Variants in MACROD2 observed in about 807,000 individuals in gnomAD.
MACROD2 encodes the protein mono-ADP ribosylhydrolase 2.
MACROD2 carries 36 observed loss-of-function variants against 70.4 expected under a neutral mutation model. That is an observed-to-expected ratio of 0.51 (90% CI 0.39 to 0.68). MACROD2 has a LOEUF of 0.68. MACROD2 is among the 30% of genes least tolerant of loss of function. The probability of loss-of-function intolerance (pLI) is 0.00; values close to 1 mark genes in which losing one functional copy is unlikely to be tolerated. For synonymous variants in MACROD2, 172 were observed against 178.8 expected (o/e 0.96, Z 0.30); for missense variants, 496 against 538.4 (o/e 0.92, Z 0.78).
intron 5 of MACROD2, among the ~76,000 whole-genome samples, chr20:14,986,161 GGTT>G (rs2074846977): frequency 6.6e-6 from 1 of 152,168 alleles, no homozygotes; most frequent in African/African-American, 2.4e-5. Flanking sequence ...CAGTCTGAAT[GGTT>G]GTTCTCTCCT....
chr20:15,444,024 A>G (rs781537210), intron 7 of MACROD2, among the ~76,000 whole-genome samples: 3 of 152,148 alleles, frequency 2.0e-5, no homozygotes, highest in Non-Finnish European at 2.9e-5. Flanking sequence ...AACCATCATA[A>G]TCTATGTTCA....
chr20:15,340,927 A>C (rs1219197178), intron 6 of MACROD2, among the ~76,000 whole-genome samples: 1 of 152,126 alleles, frequency 6.6e-6, no homozygotes, highest in African/African-American at 2.4e-5. Flanking sequence ...GGGCTCAAGC[A>C]ATCCTCCTGC....
intron 5 of MACROD2, among the ~76,000 whole-genome samples, chr20:15,229,575 G>A (rs963113271): frequency 6.6e-6 from 1 of 152,012 alleles, no homozygotes; most frequent in Non-Finnish European, 1.5e-5. Context: ...CCTTTTGCAG[G>A]CAATTACTCC....
At chr20:15,127,595 T>C (rs2076076205) in intron 5 of MACROD2, among the ~76,000 whole-genome samples, 1 of 152,062 alleles carries the variant, frequency 6.6e-6, no homozygotes, top group South Asian at 2.1e-4. Context: ...TGTGGTTGTT[T>C]ATAGGAGGCT....
intron 4 of MACROD2, among the ~76,000 whole-genome samples, chr20:14,646,419 C>T (rs1054789119): frequency 7.9e-5 from 12 of 151,960 alleles, no homozygotes; most frequent in Non-Finnish European, 1.3e-4. Flanking sequence ...CAAATTTCAC[C>T]AAATCTTTCA....
chr20:15,578,618 A>G (rs1291253992), intron 8 of MACROD2, among the ~76,000 whole-genome samples: 1 of 152,280 alleles, frequency 6.6e-6, no homozygotes, highest in African/African-American at 2.4e-5. Flanking sequence ...AATCTAAGCC[A>G]TGAGAAGTCA....
At chr20:14,989,275 CTTTGGTG>C (rs2074878459) in intron 5 of MACROD2, among the ~76,000 whole-genome samples, 2 of 151,930 alleles carry the variant, frequency 1.3e-5, no homozygotes. Context: ...AGAAAACTTC[CTTTGGTG>C]TTGATTTGGA....
At chr20:14,308,497 G>A (rs1074105) in intron 3 of MACROD2, among the ~76,000 whole-genome samples, 1 of 152,032 alleles carries the variant, frequency 6.6e-6, no homozygotes, top group Non-Finnish European at 1.5e-5. Flanking sequence ...TGGACCTTTG[G>A]ATGCATATTG....
intron 3 of MACROD2, among the ~76,000 whole-genome samples, chr20:14,107,983 A>G (rs1325775381): frequency 1.3e-5 from 2 of 152,158 alleles, no homozygotes; most frequent in African/African-American, 2.4e-5. Flanking sequence ...GAATATTATA[A>G]CACTGTAATT....
In MACROD2 at chr20:14,926,209, T is replaced by G. The variant is rs538153936; in HGVS notation, c.418+241250T>G. 1.9e-3 allele frequency among the ~76,000 whole-genome samples: 294 copies of G among 152,284 alleles called. 1 individual carries two copies. Among genetic ancestry groups the G allele is most frequent in the Middle Eastern group, 6.8e-3 (2 of 294 alleles). ...GTTTTTTAATAGCTAGGGCATTATT[T>G]AAACATTTTTGTTAATTGAGAAATA... On this transcript the variant is annotated intron_variant, in intron 5 of 17. Transcript: ENST00000684519.
chr20:15,310,710 T>A (rs2077742930), intron 6 of MACROD2, among the ~76,000 whole-genome samples: 1 of 152,098 alleles, frequency 6.6e-6, no homozygotes, highest in Non-Finnish European at 1.5e-5. Flanking sequence ...TCCAAGATCT[T>A]GCAGAAACAG....
At chr20:14,238,632 C>G (rs1019195367) in intron 3 of MACROD2, among the ~76,000 whole-genome samples, 1 of 152,106 alleles carries the variant, frequency 6.6e-6, no homozygotes, top group African/African-American at 2.4e-5. Flanking sequence ...TTTTTGCAGA[C>G]AATATCATTC....
At chr20:15,897,587 C>T (rs1198541759) in intron 10 of MACROD2, among the ~76,000 whole-genome samples, 1 of 151,974 alleles carries the variant, frequency 6.6e-6, no homozygotes, top group Admixed American at 6.5e-5. Context: ...CTCTCTGATG[C>T]CTTCCGGTTA....
At chr20:14,581,562 A>G (rs1052363313) in intron 4 of MACROD2, among the ~76,000 whole-genome samples, 2 of 152,356 alleles carry the variant, frequency 1.3e-5, no homozygotes, top group East Asian at 3.9e-4. Context: ...GGAGCATTAT[A>G]AAAGGCCATC....
chr20:15,441,235 A>G (rs991357748), intron 7 of MACROD2, among the ~76,000 whole-genome samples: 3 of 151,816 alleles, frequency 2.0e-5, no homozygotes, highest in Non-Finnish European at 2.9e-5. Flanking sequence ...TATGGTACAG[A>G]CTCCTCTCGT....
At chr20:15,606,384 A>G (rs2048893208) in intron 8 of MACROD2, among the ~76,000 whole-genome samples, 1 of 151,774 alleles carries the variant, frequency 6.6e-6, no homozygotes. Flanking sequence ...TCCACCTGGG[A>G]TGCTGTTTTT....
intron 5 of MACROD2, among the ~76,000 whole-genome samples, chr20:14,945,191 C>T (rs1251944056): frequency 6.6e-6 from 1 of 151,512 alleles, no homozygotes; most frequent in Non-Finnish European, 1.5e-5. Context: ...GATCTTGGCT[C>T]ACTGCAACCT....
chr20:14,787,537 A>G (rs1304104635), intron 5 of MACROD2, among the ~76,000 whole-genome samples: 2 of 152,098 alleles, frequency 1.3e-5, no homozygotes, highest in Non-Finnish European at 2.9e-5. Flanking sequence ...CATCTGTTCC[A>G]TGATCTCACC....
intron 4 of MACROD2, among the ~76,000 whole-genome samples, chr20:14,616,861 G>A (rs1363479988): frequency 6.6e-6 from 1 of 152,084 alleles, no homozygotes; most frequent in Non-Finnish European, 1.5e-5. Context: ...AAGCTGTCCT[G>A]TAATACCATT....
Sources: gnomAD v4.1 joint callset for allele counts (sites outside exome capture counted in the v4.1 genomes callset) on GRCh38, gnomAD v4.1.1 for gene constraint, MANE v1.5 for transcripts, NCBI Gene and HGNC (gene_info 2026-07-23, HGNC 2026-07-21) for gene names.